Variants in PTPN11 observed in about 807,000 individuals in gnomAD.
The protein encoded by PTPN11 is tyrosine-protein phosphatase non-receptor type 11.
A neutral mutation model predicts 78.8 loss-of-function variants in PTPN11; 6 were observed. The observed-to-expected ratio is 0.08, with a 90% CI of 0.04 to 0.15. The LOEUF (loss-of-function observed/expected upper bound fraction) is 0.15, where lower values mean the gene tolerates loss of function less well. PTPN11 is among the 10% of genes least tolerant of loss of function. PTPN11 has a pLI of 1.00. For synonymous variants in PTPN11, 221 were observed against 263.5 expected, an observed-to-expected ratio of 0.84 and a Z score of 1.56; for missense variants, 386 against 744.8, an observed-to-expected ratio of 0.52 and a Z score of 5.61.
intron 1 of PTPN11, among the ~76,000 whole-genome samples, chr12:112,428,347 G>A (rs968333919): frequency 6.8e-6 from 1 of 146,694 alleles, no homozygotes; most frequent in Non-Finnish European, 1.5e-5. Flanking sequence ...AAGCCCTATT[G>A]TGTCAAATTA....
At chr12:112,434,108 A>C (rs929438929) in intron 1 of PTPN11, among the ~76,000 whole-genome samples, 2 of 152,006 alleles carry the variant, frequency 1.3e-5, no homozygotes, top group African/African-American at 4.8e-5. Flanking sequence ...GCAAGACTCC[A>C]TTTCTACAAA....
chr12:112,484,836 G>A (rs918115627), intron 10 of PTPN11, among the ~76,000 whole-genome samples: 3 of 151,814 alleles, frequency 2.0e-5, no homozygotes, highest in Non-Finnish European at 4.4e-5. Context: ...GCATTGAGCT[G>A]TGATTGTGCC....
At chr12:112,465,096 C>T (rs1361282145) in intron 6 of PTPN11, among the ~76,000 whole-genome samples, 2 of 152,078 alleles carry the variant, frequency 1.3e-5, no homozygotes, top group African/African-American at 4.8e-5. Context: ...CTTGAATCGG[C>T]CCTGTGCATT....
rs144181482 is a variant in PTPN11 at position 112,468,835 on chromosome 12, C to G, written c.757-4109C>G. On this transcript the variant is annotated intron_variant, in intron 6 of 15. Transcript: ENST00000351677. Reference sequence around the variant, plus strand: ...TCTCAGTGCTTTGGGAGGCTGAGGCCGGAGGAGGGCTGGAGTCCTTGAGTG... The same window carrying G: ...TCTCAGTGCTTTGGGAGGCTGAGGCGGGAGGAGGGCTGGAGTCCTTGAGTG... 5.6e-3 allele frequency among the ~76,000 whole-genome samples: 847 copies of G among 152,186 alleles called. 7 individuals carry two copies. The highest frequency in any genetic ancestry group is 0.019 in the African/African-American group (798 of 41,512).
chr12:112,451,484 T>G (rs1249417784), intron 3 of PTPN11, among the ~76,000 whole-genome samples: 1 of 152,200 alleles, frequency 6.6e-6, no homozygotes, highest in Non-Finnish European at 1.5e-5. Flanking sequence ...CCAAAAAACA[T>G]GGAGCAGTAT....
intron 3 of PTPN11, 92 bp from the exon 4 acceptor site, chr12:112,453,103 T>G: frequency 9.1e-7 from 1 of 1,093,116 alleles, no homozygotes; most frequent in Non-Finnish European, 1.4e-6. Context: ...TTAATTGTGT[T>G]TAGGAGAGCT....
chr12:112,470,662 G>C (rs1297080197), intron 6 of PTPN11, among the ~76,000 whole-genome samples: 2 of 152,134 alleles, frequency 1.3e-5, no homozygotes, highest in Admixed American at 6.6e-5. Context: ...CCCCACCTCA[G>C]TGAAGTGTCA....
At chr12:112,467,316 T>C (rs535717296) in intron 6 of PTPN11, among the ~76,000 whole-genome samples, 3 of 152,202 alleles carry the variant, frequency 2.0e-5, no homozygotes, top group African/African-American at 7.2e-5. Context: ...GTCTAGGTAA[T>C]TTATAAAGAC....
chr12:112,443,980 G>A (rs2135853325), intron 1 of PTPN11, among the ~76,000 whole-genome samples: 1 of 151,460 alleles, frequency 6.6e-6, no homozygotes, highest in Non-Finnish European at 1.5e-5. Flanking sequence ...TTGTAGAGAT[G>A]GGGTTTCACT....
At chr12:112,445,462 A>G (rs1257848724) in intron 1 of PTPN11, among the ~76,000 whole-genome samples, 1 of 151,762 alleles carries the variant, frequency 6.6e-6, no homozygotes, top group African/African-American at 2.4e-5. Context: ...CTATATCTAC[A>G]TTTCTGTCTT....
Position 112,500,743 on chromosome 12 carries a change from C to T in PTPN11, c.1600-1401C>T, listed in dbSNP as rs564313916. 4.6e-5 allele frequency among the ~76,000 whole-genome samples: 7 copies of T among 152,182 alleles called. No homozygotes were observed. The South Asian group carries it at 1.5e-3, about 32-fold the overall frequency. ...AGTAGCTGGAATTATAGGCATGCAC[C>T]ACCACACTCAGCTAATTTTTGTATT... On this transcript the variant is annotated intron_variant, in intron 13 of 15. Coordinates refer to ENST00000351677, the MANE Select transcript of PTPN11 (RefSeq NM_002834.5).
chr12:112,444,819 A>G (rs1382403106), intron 1 of PTPN11, among the ~76,000 whole-genome samples: 2 of 152,292 alleles, frequency 1.3e-5, no homozygotes, highest in African/African-American at 2.4e-5. Context: ...TGTCCTTTTC[A>G]TAGCTCCTTG....
chr12:112,421,933 A>G (rs2037528455), intron 1 of PTPN11, among the ~76,000 whole-genome samples: 2 of 152,294 alleles, frequency 1.3e-5, no homozygotes, highest in Admixed American at 6.5e-5. Flanking sequence ...CCGCCTTCAA[A>G]TTACTTTAAC....
chr12:112,453,275 G>A lies in PTPN11; in HGVS notation c.413G>A (p.Arg138Gln), dbSNP rs1385944040. 6.2e-7 allele frequency: 1 copy of A among 1,613,800 alleles called. No homozygotes were observed. Among genetic ancestry groups the A allele is most frequent in the Non-Finnish European group, 8.5e-7 (1 of 1,179,914 alleles). The change falls in exon 4 of 16, where the codon CGA (arginine) becomes CAA (glutamine). Residue 138 changes from arginine to glutamine, a missense_variant. Physicochemically the swap from Arg to Gln is conservative, Grantham distance 43 (BLOSUM62 1). Around this residue, in one of 3 missense-constraint regions of PTPN11, gnomAD observed 279 missense variants for 503.3 expected, o/e 0.55. Transcript: ENST00000351677. ...GGAAAACATGGTAGTTTTCTTGTAC[G>A]AGAGAGCCAGAGCCACCCTGGAGAT... ...EKGKHGSFLV[R>Q]ESQSHPGDFV...
chr12:112,430,496 A>G (rs566207635), intron 1 of PTPN11, among the ~76,000 whole-genome samples: 2 of 152,154 alleles, frequency 1.3e-5, no homozygotes, highest in South Asian at 2.1e-4. Flanking sequence ...TGGCACAACC[A>G]TGGCTCACTG....
At chr12:112,427,961 G>C (rs2135830351) in intron 1 of PTPN11, among the ~76,000 whole-genome samples, 1 of 152,132 alleles carries the variant, frequency 6.6e-6, no homozygotes, top group East Asian at 1.9e-4. Context: ...ATGCTGTCCA[G>C]GCTGGACTTG....
At chr12:112,443,150 TC>T (rs1256575262) in intron 1 of PTPN11, among the ~76,000 whole-genome samples, 1 of 151,508 alleles carries the variant, frequency 6.6e-6, no homozygotes, top group Non-Finnish European at 1.5e-5. Context: ...TACCATCAAA[TC>T]CTTATATCTC....
chr12:112,428,090 TTCAC>T (rs2037650945), intron 1 of PTPN11, among the ~76,000 whole-genome samples: 1 of 152,212 alleles, frequency 6.6e-6, no homozygotes, highest in Non-Finnish European at 1.5e-5. Flanking sequence ...TCAAAATTCA[TTCAC>T]TCAGCAGCCA....
chr12:112,419,235 G>C, intron 1 of PTPN11, 110 bp downstream of exon 1: 2 of 1,204,124 alleles, frequency 1.7e-6, no homozygotes, highest in South Asian at 2.1e-5. Context: ...CCCGCCCCGG[G>C]TCGGGGTTGG....
Sources: allele counts gnomAD v4.1 joint callset (sites outside exome capture counted in the v4.1 genomes callset), GRCh38; gene constraint gnomAD v4.1.1; regional missense constraint gnomAD v4.1.1; transcripts MANE v1.5; gene names NCBI Gene and HGNC (gene_info 2026-07-23, HGNC 2026-07-21).